Variants in SMOC1 observed in about 807,000 individuals in gnomAD.
The protein encoded by SMOC1 is SPARC-related modular calcium-binding protein 1.
In SMOC1, 22 loss-of-function variants were observed where a neutral mutation model predicts 56.3. The ratio of observed to expected loss-of-function variants is 0.39; its 90% CI spans 0.28 to 0.56. The LOEUF (loss-of-function observed/expected upper bound fraction) is 0.56. SMOC1 is among the 20% of genes least tolerant of loss of function. The pLI is 0.61. For missense variants in SMOC1, 509 were observed against 565.4 expected, an observed-to-expected ratio of 0.90 and a Z score of 1.01; for synonymous variants, 193 against 215.0, an observed-to-expected ratio of 0.90 and a Z score of 0.89.
chr14:70,018,147 G>GT (rs1349661692), intron 10 of SMOC1, among the ~76,000 whole-genome samples: 1 of 152,134 alleles, frequency 6.6e-6, no homozygotes, highest in Non-Finnish European at 1.5e-5. Flanking sequence ...GAGCTGCAGG[G>GT]TTAGGTGGGC....
intron 3 of SMOC1, among the ~76,000 whole-genome samples, chr14:69,963,742 G>C (rs1034554946): frequency 1.3e-5 from 2 of 152,194 alleles, no homozygotes; most frequent in African/African-American, 4.8e-5. Context: ...TGCAGTGAGT[G>C]AACAATCTCA....
intron 4 of SMOC1, among the ~76,000 whole-genome samples, chr14:69,977,192 A>G (rs767503453): frequency 1.3e-5 from 2 of 152,212 alleles, no homozygotes; most frequent in African/African-American, 2.4e-5. Flanking sequence ...GACTCCACAG[A>G]TGCCCTTCTG....
intron 3 of SMOC1, among the ~76,000 whole-genome samples, chr14:69,962,526 G>A (rs758941369): frequency 5.3e-5 from 8 of 151,660 alleles, no homozygotes; most frequent in Admixed American, 2.0e-4. Flanking sequence ...TTCTTTTTAC[G>A]TTCTCAATAA....
chr14:70,023,755 G>T (rs562771434), intron 11 of SMOC1, among the ~76,000 whole-genome samples: 1 of 152,066 alleles, frequency 6.6e-6, no homozygotes, highest in African/African-American at 2.4e-5. Flanking sequence ...TGACACAGTG[G>T]AAAATTTTTC....
At chr14:69,969,255 C>A (rs896435791) in intron 3 of SMOC1, among the ~76,000 whole-genome samples, 1 of 152,288 alleles carries the variant, frequency 6.6e-6, no homozygotes, top group Admixed American at 6.5e-5. Flanking sequence ...TTTGTCCATT[C>A]TTGCGTTGCT....
chr14:69,927,227 A>T (rs1315314467), intron 1 of SMOC1, among the ~76,000 whole-genome samples: 1 of 152,228 alleles, frequency 6.6e-6, no homozygotes, highest in African/African-American at 2.4e-5. Context: ...GCATGCAAGG[A>T]GGCTTCAAAA....
chr14:69,982,985 T>C lies in SMOC1; in HGVS notation c.526+5020T>C, dbSNP rs147802188. Among the ~76,000 whole-genome samples the C allele has an allele frequency of 5.3e-5, 8 of 152,324 alleles. No individual in the cohort carries two copies. In the East Asian group the frequency reaches 1.5e-3, roughly 29 times the overall value. On this transcript the variant is annotated intron_variant, in intron 5 of 11. Transcript: ENST00000361956. ...AGCCGCCTCCACCAAGCCTGGAATG[T>C]TCATATACCAGCTTCGCAGAGGTCA...
chr14:69,884,844 A>C (rs1029612894), intron 1 of SMOC1, among the ~76,000 whole-genome samples: 1 of 151,954 alleles, frequency 6.6e-6, no homozygotes, highest in Non-Finnish European at 1.5e-5. Context: ...TTTGTAGTTT[A>C]TTTTGAAGTC....
At chr14:69,987,192 A>G (rs1392623770) in intron 5 of SMOC1, among the ~76,000 whole-genome samples, 1 of 152,230 alleles carries the variant, frequency 6.6e-6, no homozygotes, top group South Asian at 2.1e-4. Flanking sequence ...CACTTCTACC[A>G]GGCTGAAGTT....
At chr14:69,912,533 A>G (rs550414199) in intron 1 of SMOC1, among the ~76,000 whole-genome samples, 1 of 152,230 alleles carries the variant, frequency 6.6e-6, no homozygotes, top group Non-Finnish European at 1.5e-5. Context: ...GATTACAGGC[A>G]TGAGTCACTG....
intron 1 of SMOC1, among the ~76,000 whole-genome samples, chr14:69,923,526 T>C (rs1884908091): frequency 6.6e-6 from 1 of 152,184 alleles, no homozygotes; most frequent in African/African-American, 2.4e-5. Flanking sequence ...TGTCCTGCTC[T>C]GTTCTCTCTC....
intron 2 of SMOC1, among the ~76,000 whole-genome samples, chr14:69,953,151 T>G (rs1013165802): frequency 6.6e-6 from 1 of 151,494 alleles, no homozygotes; most frequent in African/African-American, 2.4e-5. Context: ...ACTAAAACAT[T>G]TTTTTTTCTA....
At chr14:69,996,355 A>G (rs918939036) in intron 7 of SMOC1, among the ~76,000 whole-genome samples, 1 of 152,218 alleles carries the variant, frequency 6.6e-6, no homozygotes, top group Non-Finnish European at 1.5e-5. Flanking sequence ...CATCTTGCAG[A>G]TGAAGAGTCA....
chr14:69,945,058 G>A (rs1882731279), intron 1 of SMOC1, among the ~76,000 whole-genome samples: 1 of 152,142 alleles, frequency 6.6e-6, no homozygotes, highest in South Asian at 2.1e-4. Flanking sequence ...TCTTTTCACA[G>A]TAAGTGACAG....
At chr14:70,030,061 T>G (rs1328376021) in intron 11 of SMOC1, among the ~76,000 whole-genome samples, 181 bp from the exon 12 acceptor site, 1 of 152,218 alleles carries the variant, frequency 6.6e-6, no homozygotes, top group African/African-American at 2.4e-5. Flanking sequence ...CATGCTCATC[T>G]GCAAGTCCAG....
chr14:69,918,237 T>TATA (rs550952283), intron 1 of SMOC1, among the ~76,000 whole-genome samples: 1 of 117,716 alleles, frequency 8.5e-6, no homozygotes, highest in African/African-American at 2.9e-5. Context: ...TATATATATA[T>TATA]TTTTTTTTTG....
chr14:69,879,983 C>T (rs1762854876), intron 1 of SMOC1, among the ~76,000 whole-genome samples: 1 of 152,206 alleles, frequency 6.6e-6, no homozygotes, highest in South Asian at 2.1e-4. Flanking sequence ...TTTCTTGACC[C>T]ACCATCCCTC....
At chr14:69,914,777 C>T (rs1224433711) in intron 1 of SMOC1, among the ~76,000 whole-genome samples, 1 of 152,192 alleles carries the variant, frequency 6.6e-6, no homozygotes, top group Non-Finnish European at 1.5e-5. Context: ...CCAAGTGCTG[C>T]CTGACAGTTC....
chr14:69,969,032 G>T (rs1215140355), intron 3 of SMOC1, among the ~76,000 whole-genome samples: 1 of 152,210 alleles, frequency 6.6e-6, no homozygotes, highest in East Asian at 1.9e-4. Flanking sequence ...CAAAAAGAGA[G>T]GAGGGGTTGT....
Sources: allele counts gnomAD v4.1 joint callset (sites outside exome capture counted in the v4.1 genomes callset), GRCh38; gene constraint gnomAD v4.1.1; transcripts MANE v1.5; gene names NCBI Gene and HGNC (gene_info 2026-07-23, HGNC 2026-07-21).